The following RBFOX1 variants were observed in gnomAD, a reference collection of about 807,000 sequenced individuals.
The protein encoded by RBFOX1 is RNA binding protein fox-1 homolog 1.
A neutral mutation model predicts 57.7 loss-of-function variants in RBFOX1; 8 were observed. The observed-to-expected ratio is 0.14, with a 90% CI of 0.08 to 0.25. RBFOX1 has a LOEUF of 0.25. Among genes scored for constraint, RBFOX1 ranks in the 10% least tolerant of loss-of-function variants. The probability of loss-of-function intolerance (pLI) is 1.00; values close to 1 mark genes in which losing one functional copy is unlikely to be tolerated. For missense variants in RBFOX1, 611 were observed against 548.5 expected (o/e 1.11, Z -1.14); for synonymous variants, 326 against 222.4 (o/e 1.47, Z -4.15).
intron 4 of RBFOX1, among the ~76,000 whole-genome samples, chr16:7,152,313 C>T (rs1406367848): frequency 6.6e-6 from 1 of 152,100 alleles, no homozygotes; most frequent in Non-Finnish European, 1.5e-5. Flanking sequence ...GATGTTGCTA[C>T]CAGAAAAACT....
intron 3 of RBFOX1, among the ~76,000 whole-genome samples, chr16:5,646,159 C>T (rs940996435): frequency 6.0e-5 from 9 of 149,844 alleles, no homozygotes; most frequent in East Asian, 2.0e-4. Flanking sequence ...CCTCCCAAGT[C>T]GCTGGGATTA....
chr16:6,299,012 C>T (rs1016928826), intron 1 of RBFOX1, among the ~76,000 whole-genome samples: 1 of 152,164 alleles, frequency 6.6e-6, no homozygotes, highest in South Asian at 2.1e-4. Flanking sequence ...TTTCCTCGTG[C>T]TATTTCTGCC....
At chr16:6,626,900 G>C (rs1217266702) in intron 2 of RBFOX1, among the ~76,000 whole-genome samples, 11 of 152,304 alleles carry the variant, frequency 7.2e-5, no homozygotes. Flanking sequence ...ACACAAATTG[G>C]AAGGACCTTA....
intron 4 of RBFOX1, among the ~76,000 whole-genome samples, chr16:7,078,834 C>A (rs2058707101): frequency 6.7e-6 from 1 of 148,490 alleles, no homozygotes; most frequent in Non-Finnish European, 1.5e-5. Flanking sequence ...AGTAATGTGC[C>A]ACCACGCCCA....
intron 4 of RBFOX1, among the ~76,000 whole-genome samples, chr16:7,325,182 T>G (rs1169741936): frequency 6.6e-6 from 1 of 152,232 alleles, no homozygotes; most frequent in African/African-American, 2.4e-5. Flanking sequence ...TTACTGAGTG[T>G]TTGCTATGAG....
chr16:6,067,469 G>A (rs1392986724), intron 1 of RBFOX1, among the ~76,000 whole-genome samples: 1 of 152,184 alleles, frequency 6.6e-6, no homozygotes, highest in African/African-American at 2.4e-5. Context: ...AAATAAGATA[G>A]AAATAAATCA....
intron 1 of RBFOX1, among the ~76,000 whole-genome samples, chr16:6,221,656 C>T (rs538912803): frequency 5.3e-5 from 8 of 152,300 alleles, no homozygotes; most frequent in African/African-American, 1.7e-4. Flanking sequence ...AGAGGTTTCA[C>T]TGACTCACAG....
At chr16:5,916,945 G>C (rs2058716423) in intron 4 of RBFOX1, among the ~76,000 whole-genome samples, 1 of 152,080 alleles carries the variant, frequency 6.6e-6, no homozygotes. Context: ...ACGAGCTAGT[G>C]GGTGTCTCCC....
intron 3 of RBFOX1, among the ~76,000 whole-genome samples, chr16:5,630,311 G>C (rs1333272409): frequency 6.6e-6 from 1 of 152,210 alleles, no homozygotes; most frequent in Admixed American, 6.5e-5. Context: ...ACAAAAATTA[G>C]CCAGGCATTG....
chr16:5,621,236 C>G (rs904201046), intron 3 of RBFOX1, among the ~76,000 whole-genome samples: 5 of 152,172 alleles, frequency 3.3e-5, no homozygotes, highest in African/African-American at 1.2e-4. Flanking sequence ...CTCAACCTCC[C>G]AAAGTACTGG....
Position 7,100,753 on chromosome 16 carries a change from T to A in RBFOX1, c.27+48655T>A, listed in dbSNP as rs577958603. ...AGAGGACTCAGAGGGGGAAAAAAGA[T>A]CCAATGGCCGTAAATATAGGACACT... On this transcript the variant is annotated intron_variant, in intron 4 of 15. Coordinates refer to ENST00000550418, the MANE Select transcript of RBFOX1 (RefSeq NM_018723.4). Among the ~76,000 whole-genome samples, 70 of 152,142 alleles carry A rather than the reference T, an allele frequency of 4.6e-4. 1 individual carries two copies. The South Asian group carries it at 0.013, about 29-fold the overall frequency.
intron 3 of RBFOX1, among the ~76,000 whole-genome samples, chr16:5,737,826 ATTTG>A (rs1300666160): frequency 3.3e-5 from 5 of 152,086 alleles, no homozygotes; most frequent in Non-Finnish European, 7.4e-5. Flanking sequence ...GGTTTTAAAA[ATTTG>A]TTTCTTTTTT....
intron 2 of RBFOX1, among the ~76,000 whole-genome samples, chr16:6,389,295 C>A (rs2092470423): frequency 6.6e-6 from 1 of 152,228 alleles, no homozygotes; most frequent in Admixed American, 6.5e-5. Context: ...ATACAGGACT[C>A]TGCAGAGATG....
intron 1 of RBFOX1, among the ~76,000 whole-genome samples, chr16:5,362,476 C>T (rs1014317529): frequency 1.4e-4 from 22 of 152,228 alleles, no homozygotes; most frequent in African/African-American, 5.3e-4. Context: ...GATTCTCCTG[C>T]CTCAGTCTCC....
At chr16:5,929,820 C>A (rs994163756) in intron 4 of RBFOX1, among the ~76,000 whole-genome samples, 2 of 147,980 alleles carry the variant, frequency 1.4e-5, no homozygotes, top group African/African-American at 5.0e-5. Context: ...TAAGAGCTGG[C>A]AAGGGAGTAG....
At chr16:6,790,971 T>C (rs777072933) in intron 3 of RBFOX1, among the ~76,000 whole-genome samples, 3 of 152,062 alleles carry the variant, frequency 2.0e-5, no homozygotes, top group African/African-American at 7.2e-5. Flanking sequence ...ATTGGTATGA[T>C]CTTGACTCAC....
chr16:6,165,029 TTTAAC>T (rs2096907099), intron 1 of RBFOX1, among the ~76,000 whole-genome samples: 1 of 152,184 alleles, frequency 6.6e-6, no homozygotes, highest in Non-Finnish European at 1.5e-5. Context: ...ACACTTTTGT[TTTAAC>T]TTAAGCATTT....
chr16:7,018,050 C>A (rs774229296), intron 3 of RBFOX1, among the ~76,000 whole-genome samples: 1 of 151,934 alleles, frequency 6.6e-6, no homozygotes. Flanking sequence ...TGAAAACAGG[C>A]GTGGCCAGCT....
intron 2 of RBFOX1, among the ~76,000 whole-genome samples, chr16:5,538,112 G>T (rs763137964): frequency 6.6e-6 from 1 of 152,112 alleles, no homozygotes; most frequent in African/African-American, 2.4e-5. Flanking sequence ...TGGTTGACTC[G>T]AGCAGGAACA....
Sources: allele counts gnomAD v4.1 joint callset (sites outside exome capture counted in the v4.1 genomes callset), GRCh38; gene constraint gnomAD v4.1.1; transcripts MANE v1.5; gene names NCBI Gene and HGNC (gene_info 2026-07-23, HGNC 2026-07-21).